VCAN: variants seen among roughly 807,000 people sequenced by gnomAD.
VCAN encodes the protein versican core protein.
A neutral mutation model predicts 245.5 loss-of-function variants in VCAN; 44 were observed. That is an observed-to-expected ratio of 0.18 (90% CI 0.14 to 0.23). The LOEUF is 0.23. Ranked by LOEUF, VCAN falls within the 10% of genes least tolerant of loss-of-function variation. VCAN has a pLI of 1.00. For synonymous variants in VCAN, 1,413 were observed against 1,437.0 expected, an observed-to-expected ratio of 0.98 and a Z score of 0.38; for missense variants, 3,793 against 4,057.9, an observed-to-expected ratio of 0.93 and a Z score of 1.77.
chr5:83,528,248 A>G (rs1474932030), intron 7 of VCAN, among the ~76,000 whole-genome samples: 3 of 152,182 alleles, frequency 2.0e-5, no homozygotes, highest in South Asian at 2.1e-4. Flanking sequence ...AGGAAGTTAC[A>G]GAATATTTCA....
chr5:83,546,183 A>G (rs1174596460), intron 9 of VCAN, among the ~76,000 whole-genome samples: 1 of 151,956 alleles, frequency 6.6e-6, no homozygotes, highest in African/African-American at 2.4e-5. Flanking sequence ...TTTTGGTTCC[A>G]AGGAATATAA....
intron 13 of VCAN, among the ~76,000 whole-genome samples, chr5:83,579,253 GTTTGTTTTGT>G (rs145032657): frequency 8.0e-5 from 12 of 149,208 alleles, no homozygotes; most frequent in East Asian, 2.0e-4. Flanking sequence ...TTGTTTGTTT[GTTTGTTTTGT>G]TTTGTTTTGT....
At chr5:83,504,262 G>A (rs1387508059) in intron 5 of VCAN, among the ~76,000 whole-genome samples, 1 of 152,214 alleles carries the variant, frequency 6.6e-6, no homozygotes, top group East Asian at 1.9e-4. Flanking sequence ...GAAAACTATG[G>A]CTTAAGATAC....
chr5:83,512,063 A>G (rs1174224153), intron 5 of VCAN, 40 bp from the exon 6 acceptor site: 1 of 1,612,398 alleles, frequency 6.2e-7, no homozygotes, highest in East Asian at 2.2e-5. Context: ...AGGAATGAAT[A>G]ATAAAACTTT....
At position 83,538,415 on chromosome 5, in the gene VCAN, A is replaced by G. The variant is rs1364901234; in HGVS notation, c.5412A>G (p.Ala1804=). ...TETNTLENLG[A]QTTEHSSIHQ... ...CAAATACATTAGAAAATTTGGGGGC[A>G]CAGACCACTGAGCACAGCAGTATCC... The change falls in exon 8 of 15, where the codon GCA becomes GCG. Residue 1804 remains alanine (A), a synonymous_variant. Coordinates refer to ENST00000265077, the MANE Select transcript of VCAN (RefSeq NM_004385.5). 9.3e-6 allele frequency: 15 copies of G among 1,614,052 alleles called. No homozygotes were observed. Among genetic ancestry groups the G allele is most frequent in the Non-Finnish European group, 1.2e-5 (14 of 1,179,972 alleles).
At chr5:83,580,258 G>A in intron 14 of VCAN, 49 bp from the exon 15 acceptor site, 1 of 1,613,726 alleles carries the variant, frequency 6.2e-7, no homozygotes, top group South Asian at 1.1e-5. Context: ...AGGGTATGGA[G>A]CAAGTAATAT....
chr5:83,581,050 T>A lies in VCAN; in HGVS notation c.*616T>A, dbSNP rs985242327. 1 of 159,562 alleles carries A rather than the reference T, an allele frequency of 6.3e-6. No individual in the cohort carries two copies. The highest frequency in any genetic ancestry group is 2.4e-5 in the African/African-American group (1 of 41,458). 9.9% of individuals were successfully genotyped at this position (159,562 alleles called of 1,614,324 possible). A position where few individuals can be genotyped will look rare whatever the true frequency, so the allele number is the denominator to read the frequency against. Reference sequence around the variant, plus strand: ...TTTGCTTCTACATGATGCTAAAGGCTGCGAATGGGATCCTGATGGAACTAA... The same window carrying A: ...TTTGCTTCTACATGATGCTAAAGGCAGCGAATGGGATCCTGATGGAACTAA... On this transcript the variant is annotated 3_prime_UTR_variant, in exon 15 of 15. Coordinates refer to ENST00000265077, the MANE Select transcript of VCAN (RefSeq NM_004385.5).
chr5:83,510,163 T>G (rs1745608791), intron 5 of VCAN, among the ~76,000 whole-genome samples: 1 of 152,210 alleles, frequency 6.6e-6, no homozygotes, highest in African/African-American at 2.4e-5. Flanking sequence ...TAAAAAGCTA[T>G]GTACACCTCT....
intron 1 of VCAN, among the ~76,000 whole-genome samples, chr5:83,476,525 GA>G (rs1744398239): frequency 6.6e-6 from 1 of 152,140 alleles, no homozygotes; most frequent in Admixed American, 6.5e-5. Flanking sequence ...TATTTTACCA[GA>G]AAACACAAAG....
At chr5:83,529,449 A>T (rs546553068) in intron 7 of VCAN, among the ~76,000 whole-genome samples, 1 of 152,112 alleles carries the variant, frequency 6.6e-6, no homozygotes, top group African/African-American at 2.4e-5. Flanking sequence ...TGTATTAGTT[A>T]TTATAAGTAA....
chr5:83,567,168 A>G (rs556852692), intron 12 of VCAN, among the ~76,000 whole-genome samples: 16 of 152,282 alleles, frequency 1.1e-4, no homozygotes, highest in Admixed American at 9.2e-4. Flanking sequence ...GACTCTAAAA[A>G]TAAAGCAATT....
chr5:83,573,370 A>G (rs950647472), intron 13 of VCAN, among the ~76,000 whole-genome samples: 1 of 152,058 alleles, frequency 6.6e-6, no homozygotes, highest in African/African-American at 2.4e-5. Flanking sequence ...TAGAGCTGAG[A>G]ACCACTGCCC....
At chr5:83,544,057 A>G (rs1234861279) in intron 8 of VCAN, among the ~76,000 whole-genome samples, 2 of 152,234 alleles carry the variant, frequency 1.3e-5, no homozygotes, top group Non-Finnish European at 2.9e-5. Flanking sequence ...ACTTCTTCAC[A>G]TTTGTGTGGC....
chr5:83,561,399 A>G (rs1436997522), intron 12 of VCAN, among the ~76,000 whole-genome samples: 2 of 152,216 alleles, frequency 1.3e-5, no homozygotes, highest in African/African-American at 4.8e-5. Context: ...TAGGACAATT[A>G]GTACAATTAA....
intron 6 of VCAN, among the ~76,000 whole-genome samples, chr5:83,516,436 A>G (rs2112400159): frequency 6.6e-6 from 1 of 152,380 alleles, no homozygotes; most frequent in African/African-American, 2.4e-5. Flanking sequence ...TGTAGAGAGC[A>G]TGGGAATAAG....
chr5:83,506,607 C>T (rs570998903), intron 5 of VCAN, among the ~76,000 whole-genome samples: 1 of 152,148 alleles, frequency 6.6e-6, no homozygotes, highest in Non-Finnish European at 1.5e-5. Flanking sequence ...TCTTCTGAGC[C>T]CTCCAAACTC....
At chr5:83,517,095 C>G (rs1008599567) in intron 6 of VCAN, among the ~76,000 whole-genome samples, 5 of 152,160 alleles carry the variant, frequency 3.3e-5, no homozygotes, top group African/African-American at 1.2e-4. Context: ...AACAGATTCT[C>G]TAGGACATAT....
Position 83,520,568 on chromosome 5 carries a change from A to T in VCAN, c.2262A>T (p.Thr754=), listed in dbSNP as rs113094612. Residue 754 remains threonine, a synonymous_variant, in exon 7 of 15, where the codon ACA becomes ACT. Coordinates refer to ENST00000265077, the MANE Select transcript of VCAN (RefSeq NM_004385.5). ...TKSFDFPTLI[T]KLSAEPTEVR... ...CTTTTGATTTCCCAACATTGATAACAAAGTTAAGTGCAGAGCCAACAGAAG... is the reference window on the plus strand; with the variant it reads ...CTTTTGATTTCCCAACATTGATAACTAAGTTAAGTGCAGAGCCAACAGAAG... The T allele has an allele frequency of 7.4e-5, 120 of 1,614,072 alleles. No individual in the cohort carries two copies. In the African/African-American group the frequency reaches 1.4e-3, roughly 19 times the overall value.
At chr5:83,480,420 T>C (rs945143970) in intron 1 of VCAN, among the ~76,000 whole-genome samples, 14 of 152,338 alleles carry the variant, frequency 9.2e-5, no homozygotes, top group African/African-American at 3.1e-4. Context: ...TTTGACTCTC[T>C]AGATATTGAC....
Sources: gnomAD v4.1 joint callset for allele counts (sites outside exome capture counted in the v4.1 genomes callset) on GRCh38, gnomAD v4.1.1 for gene constraint, MANE v1.5 for transcripts, NCBI Gene and HGNC (gene_info 2026-07-23, HGNC 2026-07-21) for gene names.